The following GRID2 variants were observed in gnomAD, a reference collection of about 807,000 sequenced individuals.
GRID2 encodes glutamate ionotropic receptor delta type subunit 2.
GRID2 carries 33 observed loss-of-function variants against 114.8 expected under a neutral mutation model. That is an observed-to-expected ratio of 0.29 (90% CI 0.22 to 0.38). GRID2 has a LOEUF of 0.38. GRID2 is among the 10% of genes least tolerant of loss of function. The probability of loss-of-function intolerance (pLI) is 1.00; values close to 1 mark genes in which losing one functional copy is unlikely to be tolerated. For missense variants in GRID2, 1,184 were observed against 1,257.7 expected (o/e 0.94, Z 0.89); for synonymous variants, 505 against 449.9 (o/e 1.12, Z -1.55).
intron 13 of GRID2, among the ~76,000 whole-genome samples, chr4:93,571,912 G>A (rs1344223996): frequency 6.6e-6 from 1 of 152,022 alleles, no homozygotes; most frequent in Non-Finnish European, 1.5e-5. Context: ...TAGATCACTG[G>A]CAAATGGAAA....
At chr4:92,375,220 G>A (rs1379398838) in intron 1 of GRID2, among the ~76,000 whole-genome samples, 4 of 152,040 alleles carry the variant, frequency 2.6e-5, no homozygotes, top group Admixed American at 2.6e-4. Context: ...ATACCATTTA[G>A]TTTTCTATGT....
At chr4:93,335,705 T>TTTTTTTTTTTG (rs1759000697) in intron 8 of GRID2, among the ~76,000 whole-genome samples, 1 of 151,554 alleles carries the variant, frequency 6.6e-6, no homozygotes, top group African/African-American at 2.4e-5. Flanking sequence ...TTTTTTTTTT[T>TTTTTTTTTTTG]TGAGACAGGG....
rs540149073 is a variant in GRID2 at position 93,459,154 on chromosome 4, G to A, written c.1858+3180G>A. On this transcript the variant is annotated intron_variant, in intron 11 of 15. Coordinates refer to ENST00000282020, the MANE Select transcript of GRID2 (RefSeq NM_001510.4). ...GAGATTGTGCCATTGCACTCCAGCC[G>A]GGATGACAAGAGTGAAACTCCATCT... 5.6e-3 allele frequency among the ~76,000 whole-genome samples: 731 copies of A among 129,666 alleles called. 11 individuals carry two copies. The highest frequency in any genetic ancestry group is 0.021 in the African/African-American group (701 of 32,762). The allele number at this position is 129,666 out of a possible 152,430, so 85.1% of individuals were successfully genotyped here.
At chr4:92,714,636 C>A (rs1249573974) in intron 2 of GRID2, among the ~76,000 whole-genome samples, 1 of 152,178 alleles carries the variant, frequency 6.6e-6, no homozygotes, top group Non-Finnish European at 1.5e-5. Context: ...GTTCCCAAAC[C>A]TCAGTTCTTG....
intron 13 of GRID2, among the ~76,000 whole-genome samples, chr4:93,540,075 G>A (rs13144433): frequency 0.31 from 46,718 of 151,532 alleles, 7,876 homozygotes; most frequent in African/African-American, 0.43. Context: ...TCTTATTTAT[G>A]TAATTATTCA....
chr4:93,420,667 A>T (rs1018349290), intron 9 of GRID2, among the ~76,000 whole-genome samples: 1 of 152,180 alleles, frequency 6.6e-6, no homozygotes, highest in Middle Eastern at 3.4e-3. Flanking sequence ...TATTACTATA[A>T]TAGGAAAAAA....
In GRID2 at chr4:93,584,438, T is replaced by A. The variant is rs180672497; in HGVS notation, c.2194-41831T>A. 8.7e-4 allele frequency among the ~76,000 whole-genome samples: 132 copies of A among 152,170 alleles called. 2 individuals carry two copies. The East Asian group carries it at 0.02, about 23-fold the overall frequency. Reference sequence around the variant, plus strand: ...ATTTAAGTAGAGCTTTTGAAAAAAATTTTCTTCCTTTCTTTATTATACTAT... The same window carrying A: ...ATTTAAGTAGAGCTTTTGAAAAAAAATTTCTTCCTTTCTTTATTATACTAT... On this transcript the variant is annotated intron_variant, in intron 13 of 15. Coordinates refer to ENST00000282020, the MANE Select transcript of GRID2 (RefSeq NM_001510.4).
intron 2 of GRID2, among the ~76,000 whole-genome samples, chr4:92,789,955 A>C (rs1739499872): frequency 6.6e-6 from 1 of 151,850 alleles, no homozygotes; most frequent in Non-Finnish European, 1.5e-5. Flanking sequence ...AGTCTGAGAC[A>C]ATTACAGAGT....
intron 2 of GRID2, among the ~76,000 whole-genome samples, chr4:92,875,154 T>C (rs1055623617): frequency 7.1e-6 from 1 of 141,808 alleles, no homozygotes; most frequent in Non-Finnish European, 1.5e-5. Context: ...AAAAGGTTTT[T>C]TTTTTTTTTT....
At chr4:93,036,170 C>A (rs1348928184) in intron 2 of GRID2, among the ~76,000 whole-genome samples, 1 of 152,072 alleles carries the variant, frequency 6.6e-6, no homozygotes, top group Non-Finnish European at 1.5e-5. Flanking sequence ...TGGCAATAAT[C>A]TTCTTATAAC....
intron 2 of GRID2, among the ~76,000 whole-genome samples, chr4:92,713,572 G>A (rs1735386877): frequency 7.2e-6 from 1 of 138,936 alleles, no homozygotes. Context: ...CTGTTTTCAT[G>A]CTGCTGATAA....
intron 1 of GRID2, among the ~76,000 whole-genome samples, chr4:93,782,904 C>A (rs1348228112): frequency 6.6e-6 from 1 of 151,916 alleles, no homozygotes; most frequent in Admixed American, 6.6e-5. Flanking sequence ...CACACACACA[C>A]ACACACACAC....
At chr4:93,159,527 T>C (rs1286389246) in intron 4 of GRID2, among the ~76,000 whole-genome samples, 3 of 151,764 alleles carry the variant, frequency 2.0e-5, no homozygotes, top group African/African-American at 7.2e-5. Context: ...CACCTAAATT[T>C]ATCTCATTTA....
chr4:92,852,263 T>C (rs1743871373), intron 2 of GRID2, among the ~76,000 whole-genome samples: 1 of 151,778 alleles, frequency 6.6e-6, no homozygotes, highest in South Asian at 2.1e-4. Context: ...TCCTCATCTT[T>C]ACCTTTTTTT....
intron 2 of GRID2, among the ~76,000 whole-genome samples, chr4:92,592,142 G>A (rs1025061761): frequency 6.6e-6 from 1 of 151,980 alleles, no homozygotes; most frequent in Non-Finnish European, 1.5e-5. Context: ...GGAAATATAT[G>A]TCATTCATTT....
intron 2 of GRID2, among the ~76,000 whole-genome samples, chr4:93,040,041 T>G (rs1725349077): frequency 6.6e-6 from 1 of 152,186 alleles, no homozygotes; most frequent in South Asian, 2.1e-4. Flanking sequence ...GGACCTTAAA[T>G]TCTGTTTTAT....
chr4:93,776,427 T>C (rs146001626), downstream of GRID2, among the ~76,000 whole-genome samples: 2 of 152,364 alleles, frequency 1.3e-5, no homozygotes, highest in East Asian at 3.9e-4. Flanking sequence ...ATTTGATAGA[T>C]GTAATTCAAT....
intron 14 of GRID2, among the ~76,000 whole-genome samples, chr4:93,755,541 C>G (rs1290231264): frequency 6.6e-6 from 1 of 152,122 alleles, no homozygotes; most frequent in Non-Finnish European, 1.5e-5. Context: ...ATTCCTGAAA[C>G]TACTTAGGAA....
chr4:93,295,969 A>G (rs1439879345), intron 8 of GRID2, among the ~76,000 whole-genome samples: 2 of 152,218 alleles, frequency 1.3e-5, no homozygotes, highest in African/African-American at 4.8e-5. Context: ...ATTTTGGAAT[A>G]GAGCTGTATT....
Sources: gnomAD v4.1 joint callset for allele counts (sites outside exome capture counted in the v4.1 genomes callset) on GRCh38, gnomAD v4.1.1 for gene constraint, MANE v1.5 for transcripts, NCBI Gene and HGNC (gene_info 2026-07-23, HGNC 2026-07-21) for gene names.